Variants in BRCC3 observed in about 807,000 individuals in gnomAD.
BRCC3 encodes the protein lys-63-specific deubiquitinase BRCC36.
Under a neutral mutation model 28.0 loss-of-function variants are expected in BRCC3, and 15 were observed. The observed-to-expected ratio is 0.54, with a 90% CI of 0.36 to 0.82. The LOEUF is 0.82. Ranked by LOEUF, BRCC3 falls within the 40% of genes least tolerant of loss-of-function variation. The probability of loss-of-function intolerance (pLI) is 0.01; values close to 1 mark genes in which losing one functional copy is unlikely to be tolerated. For missense variants in BRCC3, 109 were observed against 225.9 expected, an observed-to-expected ratio of 0.48 and a Z score of 3.32; for synonymous variants, 66 against 80.3, an observed-to-expected ratio of 0.82 and a Z score of 0.95.
At chrX:155,099,405 G>A (rs1263322544) in intron 7 of BRCC3, 1 of 1,205,129 alleles carries the variant, frequency 8.3e-7, no homozygotes, top group Non-Finnish European at 1.1e-6. Context: ...AGGGCAAAAA[G>A]GGGCCTGTCC....
At chrX:155,089,158 T>G in intron 5 of BRCC3, 105 bp from the exon 6 acceptor site, 1 of 519,239 alleles carries the variant, frequency 1.9e-6, no homozygotes, top group Non-Finnish European at 3.2e-6. Context: ...CCTAGGAAGA[T>G]TATATGTTGC....
intron 2 of BRCC3, 40 bp downstream of exon 2, chrX:155,072,383 A>G: frequency 9.2e-7 from 1 of 1,089,069 alleles, no homozygotes; most frequent in Non-Finnish European, 1.3e-6. Flanking sequence ...ATAATCTCTA[A>G]GTCATTGTTA....
rs782061399 is a variant in BRCC3, at chrX:155,072,834, A to T, written c.140+491A>T. On this transcript the variant is annotated intron_variant, in intron 2 of 10. Coordinates refer to ENST00000330045, the MANE Select transcript of BRCC3 (RefSeq NM_001018055.3). ...CGACCTCCCCAAGTGCTGGAATTTCAGGCGTGAGCCACCACACCTGGCCTT... is the reference window on the plus strand; with the variant it reads ...CGACCTCCCCAAGTGCTGGAATTTCTGGCGTGAGCCACCACACCTGGCCTT... Among the ~76,000 whole-genome samples, 6 of 110,376 alleles carry T rather than the reference A, an allele frequency of 5.4e-5. No individual in the cohort carries two copies. The South Asian group carries it at 2.4e-3, about 44-fold the overall frequency.
chrX:155,077,252 C>A lies in BRCC3; in HGVS notation c.278C>A (p.Ser93Tyr), dbSNP rs1352088860. The part of the protein sequence containing the change: ...SDKRKDRVEI[S>Y]PEQLSAASTE... ...AAGAGGAAGGACCGAGTAGAAATTTCTCCAGAGCAGCTGTCTGCAGCTTCA... is the reference window on the plus strand; with the variant it reads ...AAGAGGAAGGACCGAGTAGAAATTTATCCAGAGCAGCTGTCTGCAGCTTCA... Residue 93 changes from serine to tyrosine, a missense_variant, in exon 4 of 11, where the codon TCT becomes TAT. This residue lies in a region of BRCC3 where 58 missense variants were observed against 92.8 expected (regional missense o/e 0.63). Transcript: ENST00000330045. The A allele has an allele frequency of 8.4e-7, 1 of 1,188,365 alleles. No individual in the cohort carries two copies. The highest frequency in any genetic ancestry group is 1.1e-6 in the Non-Finnish European group (1 of 881,138).
intron 7 of BRCC3, among the ~76,000 whole-genome samples, chrX:155,092,676 A>G (rs2074182499): frequency 9.0e-6 from 1 of 110,690 alleles, no homozygotes; most frequent in Admixed American, 9.7e-5. Flanking sequence ...TGCTTTTCCT[A>G]GGATTGCTCC....
intron 7 of BRCC3, among the ~76,000 whole-genome samples, chrX:155,092,987 T>G (rs1432616758): frequency 9.0e-6 from 1 of 111,194 alleles, no homozygotes; most frequent in Non-Finnish European, 1.9e-5. Context: ...CTCATAACTT[T>G]GAAGGCATTG....
intron 5 of BRCC3, among the ~76,000 whole-genome samples, chrX:155,086,150 G>C (rs1264813644): frequency 9.0e-6 from 1 of 111,193 alleles, no homozygotes; most frequent in African/African-American, 3.3e-5. Context: ...TCCAGTGCTG[G>C]CTGACGTCCA....
chrX:155,071,771 A>G (rs1025943238), intron 1 of BRCC3, 121 bp downstream of exon 1: 12 of 814,808 alleles, frequency 1.5e-5, no homozygotes, highest in Non-Finnish European at 2.1e-5. Context: ...AGGTCCTTGG[A>G]CACCCTTTAC....
At chrX:155,086,721 C>T (rs1160432343) in intron 5 of BRCC3, among the ~76,000 whole-genome samples, 1 of 111,853 alleles carries the variant, frequency 8.9e-6, no homozygotes, top group Non-Finnish European at 1.9e-5. Context: ...TGCAAAGCAC[C>T]CCCATCCCTG....
chrX:155,100,393 C>T (rs2074239407), intron 7 of BRCC3, among the ~76,000 whole-genome samples: 1 of 112,227 alleles, frequency 8.9e-6, no homozygotes, highest in Non-Finnish European at 1.9e-5. Flanking sequence ...TTAGTCTGGT[C>T]CTGGATGCAG....
At chrX:155,072,722 C>A (rs977225638) in intron 2 of BRCC3, among the ~76,000 whole-genome samples, 1 of 110,023 alleles carries the variant, frequency 9.1e-6, no homozygotes, top group Non-Finnish European at 1.9e-5. Context: ...CCACCACACC[C>A]GGCTGTCTTT....
chrX:155,087,713 G>C (rs139545331), intron 5 of BRCC3, among the ~76,000 whole-genome samples: 172 of 112,033 alleles, frequency 1.5e-3, no homozygotes, highest in African/African-American at 5.4e-3. Context: ...AGTAGGAAGA[G>C]TGGGAACGTG....
chrX:155,102,250 G>C (rs782171677), intron 7 of BRCC3, among the ~76,000 whole-genome samples: 25 of 111,260 alleles, frequency 2.2e-4, no homozygotes, highest in Middle Eastern at 4.6e-3. Context: ...CATTTATTTA[G>C]GTCTTTAATT....
At chrX:155,101,576 A>G (rs1557296910) in intron 7 of BRCC3, among the ~76,000 whole-genome samples, 1 of 112,175 alleles carries the variant, frequency 8.9e-6, no homozygotes, top group East Asian at 2.8e-4. Context: ...TAATGTGAAC[A>G]CCTGGATCCT....
At chrX:155,105,354 A>C (rs917410870) in intron 7 of BRCC3, among the ~76,000 whole-genome samples, 1 of 111,356 alleles carries the variant, frequency 9.0e-6, no homozygotes, top group African/African-American at 3.3e-5. Context: ...GTGGTGGCGC[A>C]TGCCTGTAAT....
At chrX:155,075,376 CTT>C (rs2074030728) in intron 3 of BRCC3, among the ~76,000 whole-genome samples, 1 of 63,986 alleles carries the variant, frequency 1.6e-5, no homozygotes, top group African/African-American at 1.7e-4. Flanking sequence ...TTCTCCACAC[CTT>C]TTTTGTCCAC....
At chrX:155,116,793 C>T (rs2074359543) in intron 9 of BRCC3, 39 bp downstream of exon 9, 1 of 1,020,594 alleles carries the variant, frequency 9.8e-7, no homozygotes. Flanking sequence ...TTTTTTCTGA[C>T]TATTTCCCTG....
At chrX:155,100,893 A>G (rs1158150079) in intron 7 of BRCC3, among the ~76,000 whole-genome samples, 1 of 110,186 alleles carries the variant, frequency 9.1e-6, no homozygotes, top group African/African-American at 3.3e-5. Flanking sequence ...AATACAGTAT[A>G]ATAATTTTTT....
chrX:155,100,010 A>G (rs1328630329), intron 7 of BRCC3, among the ~76,000 whole-genome samples: 1 of 111,598 alleles, frequency 9.0e-6, no homozygotes, highest in African/African-American at 3.3e-5. Context: ...TAAGGTTATT[A>G]CTCGATGTTT....
Sources: allele counts gnomAD v4.1 joint callset (sites outside exome capture counted in the v4.1 genomes callset), GRCh38; gene constraint gnomAD v4.1.1; regional missense constraint gnomAD v4.1.1; transcripts MANE v1.5; gene names NCBI Gene and HGNC (gene_info 2026-07-23, HGNC 2026-07-21).